Variants in DPP10 observed in about 807,000 individuals in gnomAD.
DPP10 encodes the protein inactive dipeptidyl peptidase 10.
DPP10 carries 33 observed loss-of-function variants against 120.9 expected under a neutral mutation model. The ratio of observed to expected loss-of-function variants is 0.27; its 90% CI spans 0.21 to 0.37. The LOEUF (loss-of-function observed/expected upper bound fraction) is 0.37, where lower values mean the gene tolerates loss of function less well. Ranked by LOEUF, DPP10 falls within the 10% of genes least tolerant of loss-of-function variation. DPP10 has a pLI of 1.00. For synonymous variants in DPP10, 337 were observed against 326.1 expected (o/e 1.03, Z -0.36); for missense variants, 816 against 942.8 (o/e 0.87, Z 1.76).
At chr2:115,133,137 GTGTGTGTGTATATATA>G (rs1220342027) in intron 1 of DPP10, among the ~76,000 whole-genome samples, 1 of 62,890 alleles carries the variant, frequency 1.6e-5, no homozygotes, top group African/African-American at 8.2e-5. Context: ...GTGTGTGTGT[GTGTGTGTGTATATATA>G]TATATATATA....
intron 5 of DPP10, among the ~76,000 whole-genome samples, chr2:115,562,357 G>A (rs1016475397): frequency 1.3e-5 from 2 of 151,986 alleles, no homozygotes; most frequent in Non-Finnish European, 2.9e-5. Context: ...TGTCTTACTT[G>A]TCTCCAATAT....
At chr2:115,533,862 C>A (rs2078624845) in intron 5 of DPP10, among the ~76,000 whole-genome samples, 1 of 151,964 alleles carries the variant, frequency 6.6e-6, no homozygotes, top group Non-Finnish European at 1.5e-5. Flanking sequence ...TCCTATGTAA[C>A]CTTCTCCTTA....
chr2:114,776,096 A>G (rs1281171645), intron 1 of DPP10, among the ~76,000 whole-genome samples: 1 of 152,196 alleles, frequency 6.6e-6, no homozygotes, highest in East Asian at 1.9e-4. Flanking sequence ...ATATGATGGG[A>G]AAATACACTG....
At chr2:114,725,553 A>G (rs1390557417) in intron 1 of DPP10, among the ~76,000 whole-genome samples, 4 of 152,198 alleles carry the variant, frequency 2.6e-5, no homozygotes, top group African/African-American at 9.6e-5. Flanking sequence ...TGATGCTCAG[A>G]GCTTCTCTCC....
chr2:115,649,547 T>A (rs2087566473), intron 5 of DPP10, among the ~76,000 whole-genome samples: 1 of 152,120 alleles, frequency 6.6e-6, no homozygotes, highest in Non-Finnish European at 1.5e-5. Context: ...TTCTTTTATA[T>A]CATCTTTTAC....
chr2:114,768,767 C>T (rs992334125), intron 1 of DPP10, among the ~76,000 whole-genome samples: 3 of 152,084 alleles, frequency 2.0e-5, no homozygotes, highest in African/African-American at 4.8e-5. Context: ...GCAAGTGTTC[C>T]CAGGATCTGT....
chr2:114,957,399 G>A (rs1317821004), intron 1 of DPP10, among the ~76,000 whole-genome samples: 2 of 152,022 alleles, frequency 1.3e-5, no homozygotes, highest in Non-Finnish European at 2.9e-5. Flanking sequence ...ACCGCAATGA[G>A]ATATCACCTC....
In DPP10 at chr2:114,771,835, C is replaced by T. The variant is rs150506713; in HGVS notation, c.60+328997C>T. Among the ~76,000 whole-genome samples the T allele has an allele frequency of 7.9e-4, 121 of 152,238 alleles. 1 individual carries two copies. The East Asian group carries it at 0.017, about 22-fold the overall frequency. On this transcript the variant is annotated intron_variant, in intron 1 of 25. Transcript: ENST00000410059. ...ACTCTTAAAAAGTATAGGAGTCCCACGGCCTGGACACATAGTAAAACACTT... is the reference window on the plus strand; with the variant it reads ...ACTCTTAAAAAGTATAGGAGTCCCATGGCCTGGACACATAGTAAAACACTT...
intron 1 of DPP10, among the ~76,000 whole-genome samples, chr2:114,545,990 T>G (rs774201444): frequency 2.0e-4 from 31 of 152,166 alleles, no homozygotes; most frequent in Non-Finnish European, 3.4e-4. Context: ...TATATACTCA[T>G]ATTGATGGTC....
At chr2:115,022,526 C>T (rs1465345715) in intron 1 of DPP10, among the ~76,000 whole-genome samples, 1 of 152,024 alleles carries the variant, frequency 6.6e-6, no homozygotes, top group Admixed American at 6.6e-5. Context: ...TGAAACACAT[C>T]CCATGCTCAT....
At chr2:115,561,311 A>T (rs1013396749) in intron 5 of DPP10, among the ~76,000 whole-genome samples, 1 of 143,460 alleles carries the variant, frequency 7.0e-6, no homozygotes, top group Non-Finnish European at 1.5e-5. Flanking sequence ...GTGAACTGAG[A>T]TCACACCACT....
rs1411297860 is a variant in DPP10 at position 114,477,892 on chromosome 2, CATATGTGTATATATGTACAT to C, written c.60+35077_60+35096del. On this transcript the variant is annotated intron_variant, in intron 1 of 25. Coordinates refer to ENST00000410059, the MANE Select transcript of DPP10 (RefSeq NM_020868.6). ...ATGTACATATATGTGTATATATGTA[CATATGTGTATATATGTACAT>C]ATATGTGTATATATGTACATATGTG... is the stretch of plus-strand genomic sequence containing the variant. 7.9e-5 allele frequency among the ~76,000 whole-genome samples: 9 copies of C among 114,046 alleles called. No individual in the cohort carries two copies. In the East Asian group the frequency reaches 8.1e-4, roughly 10 times the overall value. 74.8% of individuals were successfully genotyped at this position (114,046 alleles called of 152,430 possible). A position where few individuals can be genotyped will look rare whatever the true frequency, so the allele number is the denominator to read the frequency against.
intron 1 of DPP10, among the ~76,000 whole-genome samples, chr2:114,507,050 C>CTTTT (rs1227607834): frequency 8.0e-6 from 1 of 124,768 alleles, no homozygotes; most frequent in Non-Finnish European, 1.7e-5. Flanking sequence ...CTTTTTTTTT[C>CTTTT]TTTTTTTTTT....
At chr2:114,646,696 G>C (rs908750770) in intron 1 of DPP10, among the ~76,000 whole-genome samples, 3 of 152,160 alleles carry the variant, frequency 2.0e-5, no homozygotes, top group Non-Finnish European at 2.9e-5. Context: ...CAGCTTGGGG[G>C]CAGGCTGGGC....
At chr2:114,901,955 T>C (rs887756356) in intron 1 of DPP10, among the ~76,000 whole-genome samples, 1 of 152,222 alleles carries the variant, frequency 6.6e-6, no homozygotes, top group South Asian at 2.1e-4. Flanking sequence ...AACAGCTTTT[T>C]GGGATGCTCA....
At chr2:114,899,793 T>TA (rs1339813785) in intron 1 of DPP10, among the ~76,000 whole-genome samples, 5 of 145,680 alleles carry the variant, frequency 3.4e-5, no homozygotes, top group Non-Finnish European at 4.6e-5. Context: ...CCGTCTCTAC[T>TA]AAAAATACAA....
chr2:115,193,785 C>G (rs2055051858), intron 1 of DPP10, among the ~76,000 whole-genome samples: 1 of 152,176 alleles, frequency 6.6e-6, no homozygotes, highest in African/African-American at 2.4e-5. Context: ...ACAAGAGTTT[C>G]TCTATCAATT....
chr2:115,067,326 A>C, intron 1 of DPP10, among the ~76,000 whole-genome samples: 1 of 151,418 alleles, frequency 6.6e-6, no homozygotes, highest in African/African-American at 2.4e-5. Flanking sequence ...ATCTCTGCTC[A>C]CTGCAAGCTC....
rs1047651747 is a variant in DPP10 at position 115,247,903 on chromosome 2, C to G, written c.61-61336C>G. Among the ~76,000 whole-genome samples, 8 of 152,056 alleles carry G rather than the reference C, an allele frequency of 5.3e-5. No individual in the cohort carries two copies. The East Asian group carries it at 9.6e-4, about 18-fold the overall frequency. ...CAACTAGCTAATGGTGGCTGTATAG[C>G]CTTCTTATATGACTCACCATTTAGT... On this transcript the variant is annotated intron_variant, in intron 1 of 25. Transcript: ENST00000410059.
Sources: gnomAD v4.1 joint callset for allele counts (sites outside exome capture counted in the v4.1 genomes callset) on GRCh38, gnomAD v4.1.1 for gene constraint, MANE v1.5 for transcripts, NCBI Gene and HGNC (gene_info 2026-07-23, HGNC 2026-07-21) for gene names.